Variants in EIF4G3 observed in about 807,000 individuals in gnomAD.
EIF4G3 encodes the protein eukaryotic translation initiation factor 4 gamma 3.
Under a neutral mutation model 186.4 loss-of-function variants are expected in EIF4G3, and 34 were observed. The observed-to-expected ratio is 0.18, with a 90% CI of 0.14 to 0.24. EIF4G3 has a LOEUF of 0.24. Ranked by LOEUF, EIF4G3 falls within the 10% of genes least tolerant of loss-of-function variation. The pLI is 1.00. For missense variants in EIF4G3, 1,536 were observed against 1,948.5 expected (o/e 0.79, Z 3.99); for synonymous variants, 673 against 679.5 (o/e 0.99, Z 0.15).
At chr1:20,881,095 TAA>T (rs2082187848) in intron 19 of EIF4G3, among the ~76,000 whole-genome samples, 3 of 152,266 alleles carry the variant, frequency 2.0e-5, no homozygotes, top group Admixed American at 2.0e-4. Context: ...ACTTTCTATA[TAA>T]AGACAGAGTG....
At chr1:20,817,257 T>C (rs1233309665) in intron 34 of EIF4G3, 135 bp downstream of exon 34, 66 of 302,832 alleles carry the variant, frequency 2.2e-4, no homozygotes, top group African/African-American at 1.4e-3. Context: ...AAAAAATAAA[T>C]AAATAAAAAA....
At chr1:21,124,966 C>G (rs1207517938) in intron 2 of EIF4G3, among the ~76,000 whole-genome samples, 1 of 152,190 alleles carries the variant, frequency 6.6e-6, no homozygotes, top group East Asian at 1.9e-4. Context: ...GTTCAATTAA[C>G]TGTTTCAACA....
intron 19 of EIF4G3, among the ~76,000 whole-genome samples, chr1:20,880,855 AG>A (rs2082113335): frequency 6.6e-6 from 1 of 152,342 alleles, no homozygotes; most frequent in East Asian, 1.9e-4. Context: ...TTGTATTAGA[AG>A]ATTCATTATT....
At chr1:21,082,894 C>T (rs1201544783) in intron 3 of EIF4G3, among the ~76,000 whole-genome samples, 5 of 151,104 alleles carry the variant, frequency 3.3e-5, no homozygotes, top group African/African-American at 4.9e-5. Context: ...AAAAATTAGC[C>T]GGGCGTGTTG....
intron 20 of EIF4G3, among the ~76,000 whole-genome samples, chr1:20,870,692 T>C (rs1054310782): frequency 6.6e-6 from 1 of 152,250 alleles, no homozygotes; most frequent in African/African-American, 2.4e-5. Context: ...CAGATTTAGA[T>C]ACAGGACAAC....
chr1:21,040,206 T>C (rs756311901), intron 4 of EIF4G3, among the ~76,000 whole-genome samples: 24 of 152,192 alleles, frequency 1.6e-4, no homozygotes, highest in Admixed American at 7.9e-4. Flanking sequence ...AAAGGTCAAG[T>C]TGATCACCAG....
chr1:21,171,194 C>T (rs1199778627), intron 2 of EIF4G3, among the ~76,000 whole-genome samples: 1 of 152,140 alleles, frequency 6.6e-6, no homozygotes, highest in Non-Finnish European at 1.5e-5. Flanking sequence ...TGCAGTTTAT[C>T]CATTGCTTAA....
chr1:21,120,497 G>A (rs754033126), intron 2 of EIF4G3, among the ~76,000 whole-genome samples: 2 of 151,794 alleles, frequency 1.3e-5, no homozygotes, highest in Non-Finnish European at 2.9e-5. Context: ...GCATGGTGGT[G>A]CATGCCTATA....
Position 20,918,435 on chromosome 1 carries a change from T to C in EIF4G3, c.1664-13464A>G, listed in dbSNP as rs56736346. ...GTTGCCTAGGCTGGTCTCGAACTCC[T>C]GGCCTCAAGCAATCCTTCCGTCATA... On this transcript the variant is annotated intron_variant, in intron 14 of 36. Coordinates refer to ENST00000602326, the MANE Select transcript of EIF4G3 (RefSeq NM_001391906.1). 4.3e-3 allele frequency among the ~76,000 whole-genome samples: 648 copies of C among 152,188 alleles called. 1 individual carries two copies. The highest frequency in any genetic ancestry group is 0.015 in the African/African-American group (622 of 41,520).
intron 14 of EIF4G3, among the ~76,000 whole-genome samples, chr1:20,913,802 T>A (rs1171455984): frequency 6.6e-5 from 2 of 30,092 alleles, no homozygotes; most frequent in Non-Finnish European, 8.5e-5. Flanking sequence ...TTATTAGAAT[T>A]TTTTTTTTTT....
At chr1:21,125,771 TACACACACACACAC>T (rs59291288) in intron 2 of EIF4G3, among the ~76,000 whole-genome samples, 71,923 of 146,026 alleles carry the variant, frequency 0.49, 18,388 homozygotes, top group East Asian at 0.74. Flanking sequence ...TATATATATA[TACACACACACACAC>T]ACACACACAC....
intron 16 of EIF4G3, 59 bp from the exon 17 acceptor site, chr1:20,895,560 G>A: frequency 3.3e-6 from 5 of 1,535,462 alleles, no homozygotes; most frequent in Non-Finnish European, 4.4e-6. Context: ...GTCATGCATT[G>A]CATAACGATG....
intron 29 of EIF4G3, among the ~76,000 whole-genome samples, chr1:20,844,186 T>C (rs2069815105): frequency 6.6e-6 from 1 of 152,216 alleles, no homozygotes; most frequent in Admixed American, 6.5e-5. Context: ...ATGGGATTGC[T>C]GGGTGAAATG....
rs183268097 is a variant in EIF4G3, at chr1:20,860,377, G to A, written c.3244+8C>T. 1.6e-4 allele frequency: 263 copies of A among 1,613,698 alleles called. 1 individual carries two copies. In the African/African-American group the frequency reaches 3.2e-3, roughly 19 times the overall value. ...AGTTCTCTAAACCCTGGTGGATTCC[G>A]GCCTCACCTGGTCTTCTCTTCTCTT... On this transcript the variant is annotated splice_region_variant and intron_variant, in intron 24 of 36. Coordinates refer to ENST00000602326, the MANE Select transcript of EIF4G3 (RefSeq NM_001391906.1).
At chr1:20,985,014 T>C (rs1249905275) in intron 7 of EIF4G3, among the ~76,000 whole-genome samples, 1 of 152,208 alleles carries the variant, frequency 6.6e-6, no homozygotes, top group East Asian at 1.9e-4. Context: ...CTCCCCCATC[T>C]GTAACTAAAA....
At chr1:21,025,282 T>C (rs2091896576) in intron 4 of EIF4G3, among the ~76,000 whole-genome samples, 1 of 152,122 alleles carries the variant, frequency 6.6e-6, no homozygotes, top group Non-Finnish European at 1.5e-5. Flanking sequence ...TCCTAGGAGA[T>C]GTTGAACAGG....
At chr1:21,092,764 A>G (rs1304335961) in intron 2 of EIF4G3, among the ~76,000 whole-genome samples, 1 of 152,154 alleles carries the variant, frequency 6.6e-6, no homozygotes. Flanking sequence ...ATAGACCAAC[A>G]GAACAGAACA....
At chr1:20,905,943 C>CT (rs1464595531) in intron 14 of EIF4G3, among the ~76,000 whole-genome samples, 2 of 152,134 alleles carry the variant, frequency 1.3e-5, no homozygotes, top group African/African-American at 4.8e-5. Flanking sequence ...ACAGTCTCAT[C>CT]TTTTTTGGTA....
intron 7 of EIF4G3, among the ~76,000 whole-genome samples, chr1:20,989,669 C>CA (rs35027544): frequency 1.5e-4 from 22 of 145,558 alleles, no homozygotes; most frequent in African/African-American, 5.3e-4. Flanking sequence ...TATGGAGGAG[C>CA]AAAAAAAAAG....
Sources: gnomAD v4.1 joint callset for allele counts (sites outside exome capture counted in the v4.1 genomes callset) on GRCh38, gnomAD v4.1.1 for gene constraint, MANE v1.5 for transcripts, NCBI Gene and HGNC (gene_info 2026-07-23, HGNC 2026-07-21) for gene names.